Variants in SWT1 observed in about 807,000 individuals in gnomAD.
SWT1 encodes the protein SWT1 RNA endoribonuclease homolog.
A neutral mutation model predicts 107.3 loss-of-function variants in SWT1; 33 were observed. The ratio of observed to expected loss-of-function variants is 0.31; its 90% CI spans 0.23 to 0.41. SWT1 has a LOEUF of 0.41. Ranked by LOEUF, SWT1 falls within the 10% of genes least tolerant of loss-of-function variation. The probability of loss-of-function intolerance (pLI) is 1.00; values close to 1 mark genes in which losing one functional copy is unlikely to be tolerated. For missense variants in SWT1, 898 were observed against 1,028.9 expected (o/e 0.87, Z 1.74); for synonymous variants, 345 against 348.3 (o/e 0.99, Z 0.11).
intron 16 of SWT1, among the ~76,000 whole-genome samples, chr1:185,249,946 C>T (rs1465438358): frequency 6.6e-6 from 1 of 152,114 alleles, no homozygotes; most frequent in African/African-American, 2.4e-5. Context: ...TATTACTTCT[C>T]TCTTTTATTC....
At chr1:185,177,190 C>A (rs1045641185) in intron 5 of SWT1, among the ~76,000 whole-genome samples, 1 of 152,088 alleles carries the variant, frequency 6.6e-6, no homozygotes, top group African/African-American at 2.4e-5. Context: ...TCCAGTTTTT[C>A]TTCTTGTGTT....
intron 15 of SWT1, among the ~76,000 whole-genome samples, chr1:185,225,317 A>G (rs1235801839): frequency 6.6e-6 from 1 of 152,142 alleles, no homozygotes; most frequent in Non-Finnish European, 1.5e-5. Context: ...TCAGTTTGCT[A>G]GTATCTTGTT....
chr1:185,160,709 A>C (rs1394523407), intron 1 of SWT1, 124 bp from the exon 2 acceptor site: 8 of 692,752 alleles, frequency 1.2e-5, no homozygotes, highest in Non-Finnish European at 1.9e-5. Flanking sequence ...CTCAAAAAAA[A>C]ATAAAATAAA....
intron 2 of SWT1, among the ~76,000 whole-genome samples, chr1:185,165,919 T>C (rs1654530718): frequency 6.6e-6 from 1 of 152,208 alleles, no homozygotes; most frequent in East Asian, 1.9e-4. Context: ...AGATGTCAGC[T>C]CGTACCTGGG....
chr1:185,214,806 GA>G (rs1472639787), intron 14 of SWT1, 151 bp downstream of exon 14: 10 of 605,752 alleles, frequency 1.7e-5, no homozygotes, highest in Non-Finnish European at 2.7e-5. Flanking sequence ...ATTGAATACA[GA>G]GTAAGCAACT....
chr1:185,175,559 A>G (rs1485997526), intron 5 of SWT1, among the ~76,000 whole-genome samples: 1 of 152,176 alleles, frequency 6.6e-6, no homozygotes, highest in African/African-American at 2.4e-5. Flanking sequence ...GATGATAATC[A>G]TAGATGGCTG....
At chr1:185,256,426 C>A (rs1369139272) in intron 16 of SWT1, among the ~76,000 whole-genome samples, 1 of 151,412 alleles carries the variant, frequency 6.6e-6, no homozygotes, top group Admixed American at 6.6e-5. Flanking sequence ...ACCAATCAGA[C>A]GTAGATTTGG....
chr1:185,231,433 T>A (rs1571568958), intron 15 of SWT1, 144 bp from the exon 16 acceptor site: 11 of 664,168 alleles, frequency 1.7e-5, no homozygotes, highest in Admixed American at 2.9e-5. Context: ...TTTACTATCT[T>A]TTATTTCTAA....
intron 17 of SWT1, among the ~76,000 whole-genome samples, chr1:185,274,274 A>G (rs1374361653): frequency 6.8e-6 from 1 of 147,832 alleles, no homozygotes; most frequent in Non-Finnish European, 1.5e-5. Context: ...GATATATGTA[A>G]TATATATTAT....
intron 16 of SWT1, among the ~76,000 whole-genome samples, chr1:185,244,870 C>A (rs965331543): frequency 6.6e-6 from 1 of 152,054 alleles, no homozygotes; most frequent in Non-Finnish European, 1.5e-5. Context: ...TGCTTGAAGC[C>A]CGGAGTTCGA....
At chr1:185,260,634 G>A (rs1355449368) in intron 16 of SWT1, among the ~76,000 whole-genome samples, 1 of 152,112 alleles carries the variant, frequency 6.6e-6, no homozygotes, top group East Asian at 1.9e-4. Flanking sequence ...GCTAAGGAGT[G>A]ACTTGGAGGT....
At chr1:185,198,011 G>A (rs924019703) in intron 10 of SWT1, among the ~76,000 whole-genome samples, 3 of 151,844 alleles carry the variant, frequency 2.0e-5, no homozygotes, top group Non-Finnish European at 4.4e-5. Flanking sequence ...GTTTCTCTAC[G>A]TCTTTTAATT....
chr1:185,191,202 C>A (rs1418809721), intron 10 of SWT1, among the ~76,000 whole-genome samples: 1 of 152,074 alleles, frequency 6.6e-6, no homozygotes, highest in Non-Finnish European at 1.5e-5. Context: ...AGAATAGTGC[C>A]TAATATATAG....
At chr1:185,174,193 G>A (rs1370108932) in intron 4 of SWT1, among the ~76,000 whole-genome samples, 179 bp from the exon 5 acceptor site, 1 of 151,822 alleles carries the variant, frequency 6.6e-6, no homozygotes, top group Admixed American at 6.6e-5. Context: ...TTTCCAAATA[G>A]CAAACTAATT....
upstream of SWT1, chr1:185,157,111 G>A (rs1002116826): frequency 1.6e-5 from 3 of 188,196 alleles, no homozygotes; most frequent in Non-Finnish European, 3.3e-5. Flanking sequence ...GGGCGGGGCC[G>A]GAGTTCAAGC....
intron 16 of SWT1, among the ~76,000 whole-genome samples, chr1:185,248,775 C>CAAAAAA (rs371891305): frequency 8.5e-6 from 1 of 117,842 alleles, no homozygotes; most frequent in Non-Finnish European, 1.9e-5. Flanking sequence ...ACGACTAAGC[C>CAAAAAA]AAAAAAAAAA....
chr1:185,206,098 A>G (rs988754298), intron 12 of SWT1, among the ~76,000 whole-genome samples: 2 of 152,000 alleles, frequency 1.3e-5, no homozygotes, highest in Non-Finnish European at 2.9e-5. Flanking sequence ...AGCTGGGAAT[A>G]CAGGTGTCTG....
intron 16 of SWT1, among the ~76,000 whole-genome samples, chr1:185,256,950 T>C (rs1274581114): frequency 1.3e-5 from 2 of 152,172 alleles, no homozygotes; most frequent in Admixed American, 1.3e-4. Context: ...GATGTACAGA[T>C]GGGTTTTTGA....
chr1:185,271,455 A>G, intron 17 of SWT1, 66 bp downstream of exon 17: 4 of 807,848 alleles, frequency 5.0e-6, no homozygotes, highest in Non-Finnish European at 8.3e-6. Context: ...GTAAATAAAC[A>G]GAGTAGGAGT....
Sources: gnomAD v4.1 joint callset for allele counts (sites outside exome capture counted in the v4.1 genomes callset) on GRCh38, gnomAD v4.1.1 for gene constraint, MANE v1.5 for transcripts, NCBI Gene and HGNC (gene_info 2026-07-23, HGNC 2026-07-21) for gene names.